The following CD86 variants were observed in gnomAD, a reference collection of about 807,000 sequenced individuals.
CD86 encodes CD86 molecule, also known as T-lymphocyte activation antigen CD86.
CD86 carries 11 observed loss-of-function variants against 32.1 expected under a neutral mutation model. The observed-to-expected ratio is 0.34, with a 90% confidence interval of 0.22 to 0.57. The LOEUF (loss-of-function observed/expected upper bound fraction) is 0.57, where lower values mean the gene tolerates loss of function less well. CD86 is among the 20% of genes least tolerant of loss of function. The pLI is 0.86. For missense variants in CD86, 359 were observed against 398.4 expected, an observed-to-expected ratio of 0.90 and a Z score of 0.84; for synonymous variants, 137 against 135.3, an observed-to-expected ratio of 1.01 and a Z score of -0.09.
intron 2 of CD86, among the ~76,000 whole-genome samples, chr3:122,097,447 C>G (rs376114106): frequency 6.6e-6 from 1 of 152,188 alleles, no homozygotes. Flanking sequence ...CTTTTAATCT[C>G]TTACTACGAC....
chr3:122,089,079 A>G (rs1014880254), intron 1 of CD86, among the ~76,000 whole-genome samples: 3 of 152,224 alleles, frequency 2.0e-5, no homozygotes, highest in Non-Finnish European at 4.4e-5. Flanking sequence ...GCCAGTCACA[A>G]AAAGACAAAT....
intron 1 of CD86, among the ~76,000 whole-genome samples, chr3:122,090,964 A>G (rs577918400): frequency 1.3e-5 from 2 of 152,198 alleles, no homozygotes; most frequent in African/African-American, 4.8e-5. Context: ...GGCCCAGGAA[A>G]CTCTCCAGGT....
chr3:122,065,107 C>T (rs895760602), intron 1 of CD86, among the ~76,000 whole-genome samples: 12 of 152,162 alleles, frequency 7.9e-5, no homozygotes, highest in African/African-American at 2.9e-4. Context: ...AACTGAGTCT[C>T]TCTTAGTTAC....
chr3:122,059,671 G>A (rs2072297205), intron 1 of CD86, among the ~76,000 whole-genome samples: 1 of 152,172 alleles, frequency 6.6e-6, no homozygotes, highest in African/African-American at 2.4e-5. Context: ...TAACTGTAGT[G>A]ACTACATGTT....
chr3:122,094,386 G>A (rs894134744), intron 2 of CD86, among the ~76,000 whole-genome samples: 1 of 152,152 alleles, frequency 6.6e-6, no homozygotes, highest in Non-Finnish European at 1.5e-5. Context: ...AATGGTAACC[G>A]TTTAAGTTTT....
chr3:122,088,429 T>C (rs1385253492), intron 1 of CD86, among the ~76,000 whole-genome samples: 1 of 152,174 alleles, frequency 6.6e-6, no homozygotes, highest in Non-Finnish European at 1.5e-5. Context: ...TGTGACTAGT[T>C]GCAAATATTT....
At chr3:122,102,446 G>T (rs1467950508) in intron 2 of CD86, among the ~76,000 whole-genome samples, 2 of 100,230 alleles carry the variant, frequency 2.0e-5, no homozygotes, top group African/African-American at 4.0e-5. Flanking sequence ...CAAGTCTCAA[G>T]TAATTCTGTA....
intron 1 of CD86, among the ~76,000 whole-genome samples, chr3:122,058,426 G>T (rs2072273876): frequency 6.6e-6 from 1 of 152,170 alleles, no homozygotes; most frequent in African/African-American, 2.4e-5. Context: ...GAGCAGGAAT[G>T]AAGCCTGGAG....
chr3:122,068,524 A>C (rs977542470), intron 1 of CD86, among the ~76,000 whole-genome samples: 7 of 152,234 alleles, frequency 4.6e-5, no homozygotes, highest in Admixed American at 6.5e-5. Flanking sequence ...AGGCCACTTA[A>C]ATTCAGAATC....
intron 1 of CD86, among the ~76,000 whole-genome samples, chr3:122,074,510 C>G (rs1248244671): frequency 1.3e-5 from 2 of 152,222 alleles, no homozygotes; most frequent in African/African-American, 4.8e-5. Flanking sequence ...ATTAGAACTA[C>G]CATCAGCACC....
At chr3:122,115,641 G>A (rs1005305264) in intron 5 of CD86, among the ~76,000 whole-genome samples, 1 of 150,798 alleles carries the variant, frequency 6.6e-6, no homozygotes, top group Non-Finnish European at 1.5e-5. Flanking sequence ...TCTGGAGGCT[G>A]AGGCAGGAGA....
At chr3:122,104,165 C>G (rs2073055173) in intron 3 of CD86, among the ~76,000 whole-genome samples, 1 of 152,114 alleles carries the variant, frequency 6.6e-6, no homozygotes, top group Non-Finnish European at 1.5e-5. Context: ...GATAATTTGG[C>G]CATCACAAAG....
chr3:122,065,651 TAA>T (rs1321726972), intron 1 of CD86, among the ~76,000 whole-genome samples: 1 of 152,204 alleles, frequency 6.6e-6, no homozygotes, highest in African/African-American at 2.4e-5. Flanking sequence ...TGCTTGAATC[TAA>T]GAGCTTTGGT....
At chr3:122,070,120 G>A (rs1430757859) in intron 1 of CD86, among the ~76,000 whole-genome samples, 1 of 152,164 alleles carries the variant, frequency 6.6e-6, no homozygotes, top group Non-Finnish European at 1.5e-5. Flanking sequence ...AGTGAAGACA[G>A]ACAGTCTTCT....
At chr3:122,073,100 T>A (rs2072512267) in intron 1 of CD86, among the ~76,000 whole-genome samples, 1 of 148,842 alleles carries the variant, frequency 6.7e-6, no homozygotes, top group Non-Finnish European at 1.5e-5. Flanking sequence ...ATGGGTAAAA[T>A]CCAAAAATCT....
intron 5 of CD86, among the ~76,000 whole-genome samples, chr3:122,115,418 G>C (rs2073234759): frequency 6.6e-6 from 1 of 152,126 alleles, no homozygotes; most frequent in Non-Finnish European, 1.5e-5. Context: ...TAGATGTTAA[G>C]ATAACCATTC....
chr3:122,075,218 A>G (rs2072540340), intron 1 of CD86, among the ~76,000 whole-genome samples: 1 of 152,108 alleles, frequency 6.6e-6, no homozygotes, highest in Non-Finnish European at 1.5e-5. Context: ...CTTCTCTGCT[A>G]GGAGGTAGGT....
At chr3:122,065,664 C>G (rs1272991624) in intron 1 of CD86, among the ~76,000 whole-genome samples, 2 of 152,122 alleles carry the variant, frequency 1.3e-5, no homozygotes, top group East Asian at 3.9e-4. Context: ...GAGCTTTGGT[C>G]TGGAAAGTGA....
At chr3:122,082,319 C>T (rs1223843203) in intron 1 of CD86, among the ~76,000 whole-genome samples, 1 of 152,196 alleles carries the variant, frequency 6.6e-6, no homozygotes, top group Non-Finnish European at 1.5e-5. Context: ...TGTATGTATC[C>T]TCCCATGGAA....
Sources: allele counts gnomAD v4.1 joint callset (sites outside exome capture counted in the v4.1 genomes callset), GRCh38; gene constraint gnomAD v4.1.1; transcripts MANE v1.5; gene names NCBI Gene and HGNC (gene_info 2026-07-23, HGNC 2026-07-21).